The following KCNH7 variants were observed in gnomAD, a reference collection of about 807,000 sequenced individuals.
The protein encoded by KCNH7 is voltage-gated inwardly rectifying potassium channel KCNH7.
A neutral mutation model predicts 120.8 loss-of-function variants in KCNH7; 49 were observed. The ratio of observed to expected loss-of-function variants is 0.41; its 90% CI spans 0.32 to 0.51. The LOEUF (loss-of-function observed/expected upper bound fraction) is 0.51, where lower values mean the gene tolerates loss of function less well. Among genes scored for constraint, KCNH7 ranks in the 20% least tolerant of loss-of-function variants. The pLI, the probability that KCNH7 is intolerant of heterozygous loss-of-function variation, is 0.38. For missense variants in KCNH7, 1,097 were observed against 1,446.6 expected (o/e 0.76, Z 3.92); for synonymous variants, 547 against 516.1 (o/e 1.06, Z -0.81).
chr2:162,669,483 G>A (rs1685261607), intron 2 of KCNH7, among the ~76,000 whole-genome samples: 1 of 152,214 alleles, frequency 6.6e-6, no homozygotes, highest in Admixed American at 6.5e-5. Flanking sequence ...TCTAGGAGGT[G>A]TACAACTCTT....
At chr2:162,752,908 GA>G (rs1372062656) in intron 2 of KCNH7, among the ~76,000 whole-genome samples, 9 of 35,960 alleles carry the variant, frequency 2.5e-4, no homozygotes, top group African/African-American at 1.2e-3. Context: ...CTCAGAAAAA[GA>G]AAAGAAAAGA....
chr2:162,792,729 A>G (rs1172284763), intron 2 of KCNH7, among the ~76,000 whole-genome samples: 4 of 145,822 alleles, frequency 2.7e-5, no homozygotes, highest in Non-Finnish European at 6.0e-5. Context: ...TTTCAAAAAA[A>G]ACCCAGCTCC....
intron 2 of KCNH7, among the ~76,000 whole-genome samples, chr2:162,589,650 A>T (rs1694138826): frequency 1.3e-5 from 2 of 152,100 alleles, no homozygotes; most frequent in South Asian, 4.1e-4. Context: ...GAGCAGCTTC[A>T]TCATGCATTT....
chr2:162,618,307 G>C (rs1371430634), intron 2 of KCNH7, among the ~76,000 whole-genome samples: 1 of 151,768 alleles, frequency 6.6e-6, no homozygotes, highest in Non-Finnish European at 1.5e-5. Flanking sequence ...CTTTCAGACA[G>C]TATTATTATG....
At chr2:162,783,060 A>G (rs1683559311) in intron 2 of KCNH7, among the ~76,000 whole-genome samples, 1 of 152,158 alleles carries the variant, frequency 6.6e-6, no homozygotes, top group Non-Finnish European at 1.5e-5. Context: ...TCTTTCTGTT[A>G]TCCAACAGTG....
intron 2 of KCNH7, among the ~76,000 whole-genome samples, chr2:162,831,593 C>T (rs1165094808): frequency 2.0e-5 from 3 of 152,112 alleles, no homozygotes; most frequent in Non-Finnish European, 4.4e-5. Context: ...GCTCAACTAA[C>T]CGGGTACTCT....
intron 2 of KCNH7, among the ~76,000 whole-genome samples, chr2:162,543,123 A>T (rs958276952): frequency 1.1e-4 from 16 of 152,094 alleles, no homozygotes; most frequent in Admixed American, 6.6e-5. Flanking sequence ...AAAGGAGCCT[A>T]CTGAAAACAA....
intron 12 of KCNH7, among the ~76,000 whole-genome samples, chr2:162,391,937 T>G (rs1686757415): frequency 6.6e-6 from 1 of 151,946 alleles, no homozygotes; most frequent in South Asian, 2.1e-4. Context: ...AGAAAATAAT[T>G]AAAGACATTG....
intron 6 of KCNH7, among the ~76,000 whole-genome samples, chr2:162,449,408 TA>T (rs1469758313): frequency 2.0e-5 from 3 of 152,116 alleles, no homozygotes; most frequent in Non-Finnish European, 4.4e-5. Context: ...ACTTGTGGGT[TA>T]AATTGTGTAC....
intron 2 of KCNH7, among the ~76,000 whole-genome samples, chr2:162,598,849 A>G (rs531509810): frequency 6.6e-6 from 1 of 152,172 alleles, no homozygotes; most frequent in African/African-American, 2.4e-5. Flanking sequence ...GGTGTTCTAT[A>G]TGAACTAATA....
chr2:162,423,455 G>C lies in KCNH7; in HGVS notation c.2035C>G (p.Gln679Glu). Residue 679 changes from glutamine to glutamate, a missense_variant, in exon 9 of 16, where the codon CAG becomes GAG. This residue lies in a region of KCNH7 where 24 missense variants were observed against 105.8 expected (regional missense o/e 0.23). Coordinates refer to ENST00000332142, the MANE Select transcript of KCNH7 (RefSeq NM_033272.4). Reference protein sequence around the residue: ...LYSGTARYHMQMLRVKEFIRF... With the variant: ...LYSGTARYHMEMLRVKEFIRF... ...ATGAACTCTTTTACTCGCAGCATCT[G>C]CATGTGGTACCTGGCAGTTCCCGAG... is the stretch of plus-strand genomic sequence containing the variant. 3 of 1,614,078 alleles carry C rather than the reference G, an allele frequency of 1.9e-6. No homozygotes were observed. Among genetic ancestry groups the C allele is most frequent in the Non-Finnish European group, 2.5e-6 (3 of 1,179,930 alleles).
At chr2:162,813,693 C>T (rs3912911) in intron 2 of KCNH7, among the ~76,000 whole-genome samples, 87,299 of 152,020 alleles carry the variant, frequency 0.57, 26,794 homozygotes, top group South Asian at 0.84. Context: ...TTCTCTTTTA[C>T]ATTTTTACAC....
chr2:162,605,329 T>A (rs1682707963), intron 2 of KCNH7, among the ~76,000 whole-genome samples: 1 of 152,138 alleles, frequency 6.6e-6, no homozygotes, highest in African/African-American at 2.4e-5. Flanking sequence ...CATTAATTAC[T>A]GTCACAGACT....
intron 2 of KCNH7, among the ~76,000 whole-genome samples, chr2:162,761,520 C>A (rs1688965430): frequency 6.6e-6 from 1 of 152,236 alleles, no homozygotes; most frequent in Non-Finnish European, 1.5e-5. Context: ...GATTCGATTA[C>A]AGCAACAACA....
intron 8 of KCNH7, among the ~76,000 whole-genome samples, chr2:162,423,871 C>T (rs745873366): frequency 6.6e-6 from 1 of 151,990 alleles, no homozygotes. Flanking sequence ...TCTCATGGCT[C>T]ACCATAAATA....
intron 2 of KCNH7, among the ~76,000 whole-genome samples, chr2:162,699,475 A>T (rs545501951): frequency 5.8e-4 from 88 of 152,294 alleles, no homozygotes; most frequent in African/African-American, 2.0e-3. Context: ...TGTACTGGAT[A>T]AGTGTACAGT....
intron 2 of KCNH7, among the ~76,000 whole-genome samples, chr2:162,582,196 C>A (rs1693892868): frequency 6.6e-6 from 1 of 152,096 alleles, no homozygotes. Flanking sequence ...ACTTAGCTGT[C>A]CACCTAGTTT....
chr2:162,619,769 C>T (rs372856957), intron 2 of KCNH7, among the ~76,000 whole-genome samples: 37 of 152,164 alleles, frequency 2.4e-4, no homozygotes, highest in African/African-American at 7.9e-4. Flanking sequence ...AGTGATTAAA[C>T]GCATCTTCTT....
At chr2:162,731,197 G>A (rs1417825413) in intron 2 of KCNH7, among the ~76,000 whole-genome samples, 1 of 148,126 alleles carries the variant, frequency 6.8e-6, no homozygotes, top group Non-Finnish European at 1.5e-5. Flanking sequence ...GACTCTTAAA[G>A]GATTCATGTC....
Sources: allele counts gnomAD v4.1 joint callset (sites outside exome capture counted in the v4.1 genomes callset), GRCh38; gene constraint gnomAD v4.1.1; regional missense constraint gnomAD v4.1.1; transcripts MANE v1.5; gene names NCBI Gene and HGNC (gene_info 2026-07-23, HGNC 2026-07-21).